The following DCDC1 variants were observed in gnomAD, a reference collection of about 807,000 sequenced individuals.
DCDC1 encodes doublecortin domain-containing protein 1.
A neutral mutation model predicts 178.3 loss-of-function variants in DCDC1; 200 were observed. The ratio of observed to expected loss-of-function variants is 1.12; its 90% CI spans 1.00 to 1.26. DCDC1 has a LOEUF of 1.26. Ranked by LOEUF, DCDC1 falls within the 50% of genes most tolerant of loss-of-function variation. DCDC1 has a pLI of 0.00. For synonymous variants in DCDC1, 690 were observed against 604.8 expected (o/e 1.14, Z -2.07); for missense variants, 1,983 against 1,749.2 (o/e 1.13, Z -2.38).
intron 20 of DCDC1, among the ~76,000 whole-genome samples, chr11:30,998,186 G>C (rs1423687684): frequency 6.6e-6 from 1 of 152,110 alleles, no homozygotes; most frequent in Non-Finnish European, 1.5e-5. Flanking sequence ...TAGCTACTCA[G>C]GGGGCTGAGA....
chr11:31,312,996 A>C (rs896038883), intron 3 of DCDC1, among the ~76,000 whole-genome samples: 2 of 152,122 alleles, frequency 1.3e-5, no homozygotes, highest in Admixed American at 1.3e-4. Context: ...TCTCTAAAAA[A>C]AATTACAAAA....
chr11:30,911,636 T>C (rs1945455616), intron 27 of DCDC1, among the ~76,000 whole-genome samples: 1 of 152,200 alleles, frequency 6.6e-6, no homozygotes, highest in Admixed American at 6.5e-5. Context: ...GCTCTCCTGC[T>C]CTTTCTGGCT....
intron 20 of DCDC1, among the ~76,000 whole-genome samples, chr11:30,996,473 G>A (rs1951279874): frequency 6.6e-6 from 1 of 151,838 alleles, no homozygotes; most frequent in Non-Finnish European, 1.5e-5. Context: ...CAGTGCAAGA[G>A]TATTGGGAAG....
intron 9 of DCDC1, among the ~76,000 whole-genome samples, chr11:31,187,366 G>A (rs1969628936): frequency 6.6e-6 from 1 of 152,036 alleles, no homozygotes; most frequent in Non-Finnish European, 1.5e-5. Flanking sequence ...GCATACAGCT[G>A]CTCTCAAAAA....
chr11:31,340,304 A>G (rs201500473), intron 1 of DCDC1, among the ~76,000 whole-genome samples: 1 of 152,182 alleles, frequency 6.6e-6, no homozygotes, highest in East Asian at 1.9e-4. Context: ...ACCTTGGAAG[A>G]AAATGACTGT....
In DCDC1 at chr11:31,242,783, T is replaced by G. The variant is rs144845361; in HGVS notation, c.1055-1167A>C. Among the ~76,000 whole-genome samples, 233 of 152,050 alleles carry G rather than the reference T, an allele frequency of 1.5e-3. 1 individual carries two copies. Among genetic ancestry groups the G allele is most frequent in the African/African-American group, 5.5e-3 (230 of 41,544 alleles). On this transcript the variant is annotated intron_variant, in intron 8 of 38. Transcript: ENST00000684477. ...GCTGAGTTATGCAAATAGCCTTTGC[T>G]ACTGGTATTCTGCTAAATTTTGCTC...
At chr11:31,149,272 G>A (rs1451702064) in intron 9 of DCDC1, among the ~76,000 whole-genome samples, 1 of 152,084 alleles carries the variant, frequency 6.6e-6, no homozygotes, top group Non-Finnish European at 1.5e-5. Context: ...GGACTTCCTG[G>A]GTCAAGAGGG....
At chr11:30,969,781 T>C (rs1222941701) in intron 20 of DCDC1, among the ~76,000 whole-genome samples, 2 of 152,214 alleles carry the variant, frequency 1.3e-5, no homozygotes, top group Non-Finnish European at 2.9e-5. Flanking sequence ...AGTTGTAATA[T>C]TATAATCAAA....
At chr11:31,313,101 C>A (rs993251320) in intron 3 of DCDC1, among the ~76,000 whole-genome samples, 2 of 151,090 alleles carry the variant, frequency 1.3e-5, no homozygotes, top group Non-Finnish European at 3.0e-5. Context: ...TCTGGAGAAC[C>A]CTAATATATT....
intron 7 of DCDC1, among the ~76,000 whole-genome samples, chr11:31,282,229 T>C (rs1591634302): frequency 6.6e-6 from 1 of 152,116 alleles, no homozygotes; most frequent in East Asian, 1.9e-4. Context: ...AAGTTTTTAA[T>C]TATAAATTTG....
At chr11:31,240,086 A>T (rs1378869039) in intron 9 of DCDC1, among the ~76,000 whole-genome samples, 1 of 152,018 alleles carries the variant, frequency 6.6e-6, no homozygotes, top group East Asian at 1.9e-4. Flanking sequence ...ATTTCTTCTA[A>T]CATTAAATAA....
chr11:31,198,415 CAAT>C (rs1266616980), intron 9 of DCDC1, among the ~76,000 whole-genome samples: 1 of 151,934 alleles, frequency 6.6e-6, no homozygotes, highest in African/African-American at 2.4e-5. Context: ...TATTATAAAA[CAAT>C]AAAAATATTA....
chr11:30,897,023 G>C (rs1027178987), intron 34 of DCDC1, among the ~76,000 whole-genome samples: 1 of 152,184 alleles, frequency 6.6e-6, no homozygotes, highest in Non-Finnish European at 1.5e-5. Flanking sequence ...CAATCTTATA[G>C]GCCTTGCAGT....
intron 20 of DCDC1, among the ~76,000 whole-genome samples, chr11:31,033,554 C>T (rs1953813372): frequency 1.3e-5 from 2 of 151,826 alleles, no homozygotes. Context: ...TAAGTTTTGG[C>T]TTAAGATAAA....
At chr11:31,017,155 A>G (rs1952531480) in intron 20 of DCDC1, among the ~76,000 whole-genome samples, 1 of 152,240 alleles carries the variant, frequency 6.6e-6, no homozygotes, top group Non-Finnish European at 1.5e-5. Flanking sequence ...TAGCTAAAGA[A>G]TAAAGCAGTA....
intron 9 of DCDC1, among the ~76,000 whole-genome samples, chr11:31,174,601 C>T (rs560558060): frequency 6.6e-6 from 1 of 152,294 alleles, no homozygotes; most frequent in East Asian, 1.9e-4. Context: ...GGCAAGGGTG[C>T]CAGGCCCATG....
At chr11:31,333,737 C>A (rs1039464538) in intron 2 of DCDC1, among the ~76,000 whole-genome samples, 1 of 152,160 alleles carries the variant, frequency 6.6e-6, no homozygotes, top group African/African-American at 2.4e-5. Context: ...AGAGTTTCTG[C>A]CAAGAGATCT....
At chr11:30,964,123 C>T (rs768435713) in intron 20 of DCDC1, among the ~76,000 whole-genome samples, 12 of 152,060 alleles carry the variant, frequency 7.9e-5, no homozygotes, top group Non-Finnish European at 1.3e-4. Context: ...GTGTGCAGTG[C>T]CCTGCAAAGA....
intron 36 of DCDC1, among the ~76,000 whole-genome samples, chr11:30,891,980 G>A (rs1943818858): frequency 6.6e-6 from 1 of 152,038 alleles, no homozygotes. Flanking sequence ...GTCTATTATA[G>A]TATCTTGCCT....
Sources: gnomAD v4.1 joint callset for allele counts (sites outside exome capture counted in the v4.1 genomes callset) on GRCh38, gnomAD v4.1.1 for gene constraint, MANE v1.5 for transcripts, NCBI Gene and HGNC (gene_info 2026-07-23, HGNC 2026-07-21) for gene names.